The following LIMCH1 variants were observed in gnomAD, a reference collection of about 807,000 sequenced individuals.
The protein encoded by LIMCH1 is LIM and calponin homology domains 1, also known as LIM and calponin homology domains-containing protein 1.
Under a neutral mutation model 176.5 loss-of-function variants are expected in LIMCH1, and 113 were observed. The observed-to-expected ratio is 0.64, with a 90% CI of 0.55 to 0.75. LIMCH1 has a LOEUF of 0.75. Ranked by LOEUF, LIMCH1 falls within the 30% of genes least tolerant of loss-of-function variation. LIMCH1 has a pLI of 0.00. For missense variants in LIMCH1, 1,674 were observed against 1,814.9 expected, an observed-to-expected ratio of 0.92 and a Z score of 1.41; for synonymous variants, 619 against 645.9, an observed-to-expected ratio of 0.96 and a Z score of 0.63.
At chr4:41,365,988 G>A (rs1043178077) in intron 1 of LIMCH1, among the ~76,000 whole-genome samples, 1 of 152,196 alleles carries the variant, frequency 6.6e-6, no homozygotes, top group African/African-American at 2.4e-5. Flanking sequence ...CTCTGCTGAT[G>A]GATGACAATA....
At chr4:41,618,967 T>C (rs944129641) in intron 5 of LIMCH1, among the ~76,000 whole-genome samples, 1 of 152,144 alleles carries the variant, frequency 6.6e-6, no homozygotes, top group African/African-American at 2.4e-5. Flanking sequence ...TAGTTTTTAG[T>C]TTTGCCCTTG....
chr4:41,580,534 A>G (rs1467796571), intron 1 of LIMCH1, among the ~76,000 whole-genome samples: 1 of 152,198 alleles, frequency 6.6e-6, no homozygotes, highest in East Asian at 1.9e-4. Context: ...TTTATTATCA[A>G]AACTTCTAAG....
chr4:41,518,765 G>A (rs550465573), intron 2 of LIMCH1, among the ~76,000 whole-genome samples: 1 of 152,128 alleles, frequency 6.6e-6, no homozygotes, highest in South Asian at 2.1e-4. Context: ...CCTGGTGTGT[G>A]GTGTTCCCCT....
chr4:41,538,447 G>C, intron 1 of LIMCH1, 97 bp downstream of exon 1: 1 of 737,248 alleles, frequency 1.4e-6, no homozygotes, highest in South Asian at 6.1e-5. Context: ...TTAAAAAAAA[G>C]TGACTTTTTA....
intron 1 of LIMCH1, among the ~76,000 whole-genome samples, chr4:41,465,680 A>T (rs774195219): frequency 8.5e-5 from 13 of 152,202 alleles, no homozygotes; most frequent in Admixed American, 1.3e-4. Flanking sequence ...CTAGTGTTTT[A>T]TATTGATACT....
chr4:41,361,657 G>C (rs2052077186), intron 1 of LIMCH1, among the ~76,000 whole-genome samples: 1 of 152,194 alleles, frequency 6.6e-6, no homozygotes, highest in Non-Finnish European at 1.5e-5. Context: ...TAAATAACTC[G>C]TTGGCAGGCC....
chr4:41,612,764 A>G, intron 4 of LIMCH1: 1 of 741,924 alleles, frequency 1.3e-6, no homozygotes, highest in Non-Finnish European at 2.2e-6. Context: ...CAGCTCCCCC[A>G]GCGCCAAGAG....
intron 7 of LIMCH1, among the ~76,000 whole-genome samples, chr4:41,623,622 G>C (rs147753455): frequency 3.3e-5 from 5 of 152,098 alleles, no homozygotes; most frequent in Admixed American, 6.5e-5. Flanking sequence ...TTAGCCAGGC[G>C]TGGTGGCATA....
intron 1 of LIMCH1, among the ~76,000 whole-genome samples, chr4:41,400,129 A>G (rs765548125): frequency 2.6e-5 from 4 of 151,972 alleles, no homozygotes; most frequent in Non-Finnish European, 5.9e-5. Context: ...CCTAACGGCT[A>G]TCCTATACTG....
intron 1 of LIMCH1, among the ~76,000 whole-genome samples, chr4:41,586,866 T>G (rs1224795212): frequency 6.6e-6 from 1 of 152,120 alleles, no homozygotes; most frequent in Non-Finnish European, 1.5e-5. Flanking sequence ...CAGAAAGAGA[T>G]AAAATCAAGG....
chr4:41,557,698 C>T (rs900577307), intron 1 of LIMCH1, among the ~76,000 whole-genome samples: 4 of 151,972 alleles, frequency 2.6e-5, no homozygotes, highest in African/African-American at 9.7e-5. Flanking sequence ...ACTTGATTTA[C>T]CAGAAACCTC....
intron 1 of LIMCH1, among the ~76,000 whole-genome samples, chr4:41,596,739 A>G (rs962869917): frequency 6.6e-6 from 1 of 152,190 alleles, no homozygotes; most frequent in African/African-American, 2.4e-5. Context: ...GAACTCTTAC[A>G]TTTGATAATT....
chr4:41,657,020 C>A (rs2152965055), intron 18 of LIMCH1, among the ~76,000 whole-genome samples: 1 of 152,192 alleles, frequency 6.6e-6, no homozygotes, highest in Admixed American at 6.5e-5. Context: ...AGGCTTTGGG[C>A]TAGACCATGT....
In LIMCH1 at chr4:41,367,858, C is replaced by T. The variant is rs1251698547; in HGVS notation, c.96+6922C>T. Among the ~76,000 whole-genome samples, 12 of 131,668 alleles carry T rather than the reference C, an allele frequency of 9.1e-5. 1 individual carries two copies. Among genetic ancestry groups the T allele is most frequent in the Non-Finnish European group, 1.4e-4 (9 of 63,194 alleles). The allele number at this position is 131,668 out of a possible 152,430, so 86.4% of individuals were successfully genotyped here. On this transcript the variant is annotated intron_variant, in intron 1 of 26. Coordinates refer to the LIMCH1 transcript ENST00000313860. ...CTCCAGCCTGGGCGGCAGTGCGAGACTCCATCATAAAAAAAAAAAAAAAAA... is the reference window on the plus strand; with the variant it reads ...CTCCAGCCTGGGCGGCAGTGCGAGATTCCATCATAAAAAAAAAAAAAAAAA...
chr4:41,503,049 C>CCA (rs60202630), intron 2 of LIMCH1, among the ~76,000 whole-genome samples: 1 of 151,492 alleles, frequency 6.6e-6, no homozygotes, highest in Non-Finnish European at 1.5e-5. Flanking sequence ...ATCCATCCAT[C>CCA]TCTTGCCTCT....
chr4:41,583,719 C>T (rs2085935618), intron 1 of LIMCH1, among the ~76,000 whole-genome samples: 1 of 151,498 alleles, frequency 6.6e-6, no homozygotes. Flanking sequence ...GGTTAGGCAC[C>T]TGATAAACTT....
chr4:41,658,472 G>A (rs1473744092), intron 18 of LIMCH1, among the ~76,000 whole-genome samples: 3 of 152,178 alleles, frequency 2.0e-5, no homozygotes, highest in African/African-American at 7.2e-5. Context: ...GTGGTAAAAC[G>A]TTGCTGGAAT....
At chr4:41,664,960 T>C (rs1003579027) in intron 20 of LIMCH1, among the ~76,000 whole-genome samples, 3 of 152,178 alleles carry the variant, frequency 2.0e-5, no homozygotes, top group African/African-American at 7.2e-5. Flanking sequence ...GTGCCAAATA[T>C]ATATATAGCC....
rs1478957071 is a variant in LIMCH1, at chr4:41,620,542, G to A, written c.577G>A (p.Gly193Ser). ...PSDGGCELPD[G>S]SGKEHPSSDG... ...CGATGGTGGGTGTGAATTACCTGAC[G>A]GCAGTGGTAAGGAGCACCCTTCTTC... Residue 193 changes from glycine (G) to serine (S), a missense_variant, in exon 7 of 32, where the codon GGC (glycine) becomes AGC (serine). Physicochemically the swap from Gly to Ser is moderately conservative, Grantham distance 56. This residue lies in a region of LIMCH1 where 655 missense variants were observed against 692.2 expected (regional missense o/e 0.95). Coordinates refer to ENST00000503057, the MANE Select transcript of LIMCH1 (RefSeq NM_001330672.2). 5.9e-6 allele frequency: 9 copies of A among 1,536,244 alleles called. No individual in the cohort carries two copies. The highest frequency in any genetic ancestry group is 1.7e-4 in the Middle Eastern group (1 of 6,004).
Sources: gnomAD v4.1 joint callset for allele counts (sites outside exome capture counted in the v4.1 genomes callset) on GRCh38, gnomAD v4.1.1 for gene constraint, gnomAD v4.1.1 regional missense constraint, MANE v1.5 for transcripts, NCBI Gene and HGNC (gene_info 2026-07-23, HGNC 2026-07-21) for gene names.